Variants in REV1 observed in about 807,000 individuals in gnomAD.
REV1 encodes translesion synthesis protein REV1.
Under a neutral mutation model 137.4 loss-of-function variants are expected in REV1, and 42 were observed. The observed-to-expected ratio is 0.31, with a 90% CI of 0.24 to 0.40. The LOEUF is 0.40. REV1 is among the 10% of genes least tolerant of loss of function. The pLI is 1.00. For synonymous variants in REV1, 524 were observed against 519.2 expected (o/e 1.01, Z -0.12); for missense variants, 1,282 against 1,490.1 (o/e 0.86, Z 2.30).
At chr2:99,432,331 T>C (rs912168804) in intron 8 of REV1, among the ~76,000 whole-genome samples, 8 of 152,172 alleles carry the variant, frequency 5.3e-5, no homozygotes, top group Non-Finnish European at 1.0e-4. Flanking sequence ...AACTGATCTT[T>C]TTTTTTTCAA....
intron 1 of REV1, among the ~76,000 whole-genome samples, chr2:99,484,887 C>A (rs903551092): frequency 6.6e-6 from 1 of 152,256 alleles, no homozygotes; most frequent in African/African-American, 2.4e-5. Context: ...GTGTAACCAG[C>A]CAAATAACAA....
intron 17 of REV1, 21 bp from the exon 18 acceptor site, chr2:99,404,698 G>A (rs909089139): frequency 1.3e-6 from 2 of 1,550,350 alleles, no homozygotes; most frequent in Admixed American, 1.8e-5. Flanking sequence ...CCAAACATAT[G>A]AGTAGGAAGT....
intron 6 of REV1, among the ~76,000 whole-genome samples, chr2:99,437,995 A>G (rs778569116): frequency 6.6e-6 from 1 of 152,160 alleles, no homozygotes; most frequent in Non-Finnish European, 1.5e-5. Flanking sequence ...AAAATCCTAT[A>G]ATCTGTAAAA....
At chr2:99,457,625 C>T (rs897211156) in intron 3 of REV1, among the ~76,000 whole-genome samples, 3 of 149,622 alleles carry the variant, frequency 2.0e-5, no homozygotes, top group African/African-American at 7.4e-5. Context: ...GCAGAGGGTG[C>T]GGTAAGCTGA....
Position 99,455,037 on chromosome 2 carries a change from A to C in REV1, c.182-5533T>G, listed in dbSNP as rs567964360. Among the ~76,000 whole-genome samples, 10 of 152,354 alleles carry C rather than the reference A, an allele frequency of 6.6e-5. No homozygotes were observed. In the South Asian group the frequency reaches 2.1e-3, roughly 32 times the overall value. ...ATAGAAAGTTTTGCTCATCTGGTTA[A>C]AACAAATTCTATAAACAAAATTTTT... On this transcript the variant is annotated intron_variant, in intron 3 of 22. Transcript: ENST00000258428.
intron 6 of REV1, among the ~76,000 whole-genome samples, chr2:99,438,346 G>C (rs1681032732): frequency 6.6e-6 from 1 of 152,208 alleles, no homozygotes; most frequent in African/African-American, 2.4e-5. Context: ...CGTGAGGAAT[G>C]AATGCTCAGA....
chr2:99,415,039 TC>T lies in REV1; in HGVS notation c.1952-2089del, dbSNP rs569629355. 1.6e-4 allele frequency among the ~76,000 whole-genome samples: 24 copies of T among 152,204 alleles called. 1 individual carries two copies. In the South Asian group the frequency reaches 4.8e-3, roughly 30 times the overall value. On this transcript the variant is annotated intron_variant, in intron 12 of 22. Transcript: ENST00000258428. ...CACAGTTCTTCTCCATGCAGGCTCA[TC>T]TGATGGAATGAAATGGCCTGAACCG...
chr2:99,438,615 A>C lies in REV1; in HGVS notation c.1199T>G (p.Val400Gly), dbSNP rs551750665. The C allele has an allele frequency of 6.2e-7, 1 of 1,612,500 alleles. No homozygotes were observed. Among genetic ancestry groups the C allele is most frequent in the Non-Finnish European group, 8.5e-7 (1 of 1,179,206 alleles). ...KKMKTGRSAL[V>G]VTDTGDMSVL... ...TAAGTATCTACCTGTGTCAGTTACA[A>C]CAAGTGCAGACCTGCCTGTTTTCAT... is the stretch of plus-strand genomic sequence containing the variant. The change falls in exon 6 of 23, where the codon GTT becomes GGT. Residue 400 changes from valine (V) to glycine (G), a missense_variant. Val to Gly is a moderately radical substitution (Grantham distance 109). Coordinates refer to ENST00000258428, the MANE Select transcript of REV1 (RefSeq NM_016316.4).
intron 12 of REV1, among the ~76,000 whole-genome samples, chr2:99,417,975 C>A (rs555503430): frequency 6.6e-6 from 1 of 152,266 alleles, no homozygotes; most frequent in Admixed American, 6.5e-5. Context: ...ATTTCTGACA[C>A]TAATACATCG....
rs187858098 is a variant in REV1 at position 99,403,794 on chromosome 2, C to T, written c.3067G>A (p.Ala1023Thr). ...FSQVDPEVFA[A>T]LPAELQRELK... ...TCCCTCTGAAGTTCAGCAGGAAGGG[C>T]AGCAAATACCTCAGGGTCCACCTAG... is the stretch of plus-strand genomic sequence containing the variant. Residue 1023 changes from alanine to threonine, a missense_variant, in exon 19 of 23, where the codon GCC (alanine) becomes ACC (threonine). Ala to Thr is a moderately conservative substitution (Grantham distance 58, BLOSUM62 0). This residue lies in a region of REV1 where 23 missense variants were observed against 46.3 expected (regional missense o/e 0.50). Transcript: ENST00000258428. 1 of 1,614,168 alleles carries T rather than the reference C, an allele frequency of 6.2e-7. No homozygotes were observed. Among genetic ancestry groups the T allele is most frequent in the Non-Finnish European group, 8.5e-7 (1 of 1,180,036 alleles).
At chr2:99,426,689 G>T (rs761858511) in intron 9 of REV1, among the ~76,000 whole-genome samples, 3 of 152,148 alleles carry the variant, frequency 2.0e-5, no homozygotes, top group Non-Finnish European at 2.9e-5. Flanking sequence ...TTACAAAAAA[G>T]TCCAAAGTGT....
rs1434077504 is a variant in REV1, at chr2:99,439,116, T to A, written c.698A>T (p.Asn233Ile). 1 of 1,614,176 alleles carries A rather than the reference T, an allele frequency of 6.2e-7. No individual in the cohort carries two copies. Residue 233 changes from asparagine (N) to isoleucine (I), a missense_variant, in exon 6 of 23, where the codon AAT becomes ATT. Coordinates refer to ENST00000258428, the MANE Select transcript of REV1 (RefSeq NM_016316.4). ...AIFNGHTPSS[N>I]GALKTQDCLV... ...GCAATCCTGTGTCTTTAAGGCACCA[T>A]TAGAGCTAGGAGTGTGTCCATTAAA...
At chr2:99,471,788 A>T (rs1004085578) in intron 1 of REV1, among the ~76,000 whole-genome samples, 1 of 152,026 alleles carries the variant, frequency 6.6e-6, no homozygotes, top group Non-Finnish European at 1.5e-5. Flanking sequence ...ACAAATGGCC[A>T]ATAAGCACAC....
chr2:99,455,724 C>A (rs774770599), intron 3 of REV1, among the ~76,000 whole-genome samples: 2 of 152,142 alleles, frequency 1.3e-5, no homozygotes, highest in African/African-American at 4.8e-5. Context: ...GACTTGTCAA[C>A]ACTAAAGAGA....
In REV1 at chr2:99,429,832, C is replaced by A; in HGVS notation, c.1547+8G>T. On this transcript the variant is annotated splice_region_variant and intron_variant, in intron 9 of 22. Coordinates refer to ENST00000258428, the MANE Select transcript of REV1 (RefSeq NM_016316.4). ...CATTAAGAATTGTAACACACAACTT[C>A]TACATACCTGGCCTCATAACTACAA... 2 of 1,514,954 alleles carry A rather than the reference C, an allele frequency of 1.3e-6. No individual in the cohort carries two copies. The highest frequency in any genetic ancestry group is 1.8e-6 in the Non-Finnish European group (2 of 1,114,708). The allele number at this position is 1,514,954 out of a possible 1,614,324, so 93.8% of individuals were successfully genotyped here.
At position 99,489,799 on chromosome 2, in the gene REV1, G is replaced by A. The variant is rs1272100022; in HGVS notation, c.-11+18C>T. 4.2e-5 allele frequency: 6 copies of A among 143,064 alleles called. No homozygotes were observed. The highest frequency in any genetic ancestry group is 1.5e-4 in the African/African-American group (6 of 39,274). 8.9% of individuals were successfully genotyped at this position (143,064 alleles called of 1,614,324 possible). ...CCCGCCCCTCCCCCACCCCGCCGCC[G>A]GCCCGGGGGTCGCTCACCTTCCGCG... On this transcript the variant is annotated intron_variant, in intron 1 of 22. Transcript: ENST00000258428.
At chr2:99,434,202 C>T in intron 8 of REV1, 130 bp downstream of exon 8, 1 of 518,538 alleles carries the variant, frequency 1.9e-6, no homozygotes, top group Admixed American at 3.1e-5. Flanking sequence ...CAGTGACATC[C>T]TTAAAACCCC....
chr2:99,482,541 T>TA (rs900164174), intron 1 of REV1, among the ~76,000 whole-genome samples: 1 of 152,158 alleles, frequency 6.6e-6, no homozygotes, highest in Non-Finnish European at 1.5e-5. Flanking sequence ...TACGATGCCT[T>TA]ACCTAACTCT....
chr2:99,420,784 G>A (rs1678554541), intron 11 of REV1, among the ~76,000 whole-genome samples: 1 of 152,202 alleles, frequency 6.6e-6, no homozygotes, highest in African/African-American at 2.4e-5. Context: ...GGCAAGCTAA[G>A]ACAGTTAACT....
Sources: gnomAD v4.1 joint callset for allele counts (sites outside exome capture counted in the v4.1 genomes callset) on GRCh38, gnomAD v4.1.1 for gene constraint, gnomAD v4.1.1 regional missense constraint, MANE v1.5 for transcripts, NCBI Gene and HGNC (gene_info 2026-07-23, HGNC 2026-07-21) for gene names.